COMMD10: variants seen among roughly 807,000 people sequenced by gnomAD.
COMMD10 encodes the protein COMM domain containing 10.
Under a neutral mutation model 28.9 loss-of-function variants are expected in COMMD10, and 33 were observed. The observed-to-expected ratio is 1.14, with a 90% CI of 0.87 to 1.53. COMMD10 has a LOEUF of 1.53. COMMD10 is among the 40% of genes most tolerant of loss of function. The pLI, the probability that COMMD10 is intolerant of heterozygous loss-of-function variation, is 0.00. For missense variants in COMMD10, 310 were observed against 233.4 expected, an observed-to-expected ratio of 1.33 and a Z score of -2.14; for synonymous variants, 110 against 81.7, an observed-to-expected ratio of 1.35 and a Z score of -1.87.
intron 5 of COMMD10, among the ~76,000 whole-genome samples, chr5:116,234,751 T>C (rs1224617652): frequency 6.6e-6 from 1 of 152,208 alleles, no homozygotes; most frequent in Non-Finnish European, 1.5e-5. Context: ...TCCAATTGGA[T>C]AATTTCACTT....
chr5:116,126,112 C>T (rs149471579), intron 4 of COMMD10, among the ~76,000 whole-genome samples: 16,959 of 152,150 alleles, frequency 0.11, 1,368 homozygotes, highest in African/African-American at 0.22. Flanking sequence ...GCAAAAATCA[C>T]AGGCATTCCT....
chr5:116,275,556 A>C (rs910708323), intron 5 of COMMD10, among the ~76,000 whole-genome samples: 1 of 151,738 alleles, frequency 6.6e-6, no homozygotes, highest in South Asian at 2.1e-4. Flanking sequence ...GATTGTACAC[A>C]TTGTCTTCAT....
Position 116,137,642 on chromosome 5 carries a change from G to A in COMMD10, c.510+3464G>A, listed in dbSNP as rs569998646. On this transcript the variant is annotated intron_variant, in intron 5 of 6. Coordinates refer to ENST00000274458, the MANE Select transcript of COMMD10 (RefSeq NM_016144.4). Reference sequence around the variant, plus strand: ...CTTACTGTAATTCACTGAAGAGTACGGTTTATAAGGAGCTCCTTATCTTCT... The same window carrying A: ...CTTACTGTAATTCACTGAAGAGTACAGTTTATAAGGAGCTCCTTATCTTCT... Among the ~76,000 whole-genome samples the A allele has an allele frequency of 6.7e-4, 102 of 151,948 alleles. 1 individual carries two copies. Among genetic ancestry groups the A allele is most frequent in the South Asian group, 4.2e-4 (2 of 4,812 alleles).
At chr5:116,200,779 T>A (rs1216099704) in intron 5 of COMMD10, among the ~76,000 whole-genome samples, 1 of 152,142 alleles carries the variant, frequency 6.6e-6, no homozygotes, top group African/African-American at 2.4e-5. Flanking sequence ...AGATCTCTCT[T>A]CTTGTACTTC....
intron 4 of COMMD10, among the ~76,000 whole-genome samples, chr5:116,122,232 A>G (rs981508750): frequency 6.6e-6 from 1 of 152,222 alleles, no homozygotes; most frequent in Non-Finnish European, 1.5e-5. Context: ...CATTTATTAA[A>G]TAGGGAATCC....
chr5:116,232,428 A>G (rs754156223), intron 5 of COMMD10, among the ~76,000 whole-genome samples: 1 of 152,178 alleles, frequency 6.6e-6, no homozygotes, highest in East Asian at 1.9e-4. Flanking sequence ...GATAAATTCA[A>G]TCCATGGTGT....
At chr5:116,266,342 T>C (rs779385460) in intron 5 of COMMD10, among the ~76,000 whole-genome samples, 4 of 151,866 alleles carry the variant, frequency 2.6e-5, no homozygotes, top group African/African-American at 4.9e-5. Context: ...TAAGCTGTTA[T>C]ATTTTTCTTT....
At chr5:116,260,476 A>G (rs1002595406) in intron 5 of COMMD10, among the ~76,000 whole-genome samples, 2 of 151,884 alleles carry the variant, frequency 1.3e-5, no homozygotes, top group Non-Finnish European at 2.9e-5. Flanking sequence ...TAAAGTAGGC[A>G]TGTTATTTTC....
At chr5:116,107,421 T>C (rs1750877633) in intron 4 of COMMD10, among the ~76,000 whole-genome samples, 1 of 152,232 alleles carries the variant, frequency 6.6e-6, no homozygotes, top group African/African-American at 2.4e-5. Context: ...CTTTATTTCA[T>C]TGAGTTGATC....
At chr5:116,120,116 C>T (rs1183610695) in intron 4 of COMMD10, among the ~76,000 whole-genome samples, 1 of 151,892 alleles carries the variant, frequency 6.6e-6, no homozygotes, top group Admixed American at 6.6e-5. Context: ...TGCCCATCAA[C>T]CAACAAATGA....
In COMMD10 at chr5:116,281,718, ATTGCCTGTATACTCGTT is replaced by A. The variant is rs1676821180; in HGVS notation, c.511-9797_511-9781del. Among the ~76,000 whole-genome samples, 3 of 151,850 alleles carry A rather than the reference ATTGCCTGTATACTCGTT, an allele frequency of 2.0e-5. No individual in the cohort carries two copies. The South Asian group carries it at 6.2e-4, about 31-fold the overall frequency. The stretch of plus-strand genomic sequence containing the variant: ...ATTTAAAAATAAGCCATCCAGTTGT[ATTGCCTGTATACTCGTT>A]TACTGATTTATTTTGATTCATGTAA... On this transcript the variant is annotated intron_variant, in intron 5 of 6. Transcript: ENST00000274458.
intron 5 of COMMD10, among the ~76,000 whole-genome samples, chr5:116,176,042 A>G (rs899382312): frequency 3.0e-5 from 4 of 134,974 alleles, no homozygotes; most frequent in African/African-American, 1.4e-4. Flanking sequence ...TGTATATTTT[A>G]CCACAATTTA....
chr5:116,236,488 G>C (rs1749666494), intron 5 of COMMD10, among the ~76,000 whole-genome samples: 1 of 127,588 alleles, frequency 7.8e-6, no homozygotes, highest in Non-Finnish European at 1.6e-5. Context: ...TGGGTGACAA[G>C]AGCAAGACTC....
chr5:116,241,929 A>G (rs1749826620), intron 5 of COMMD10, among the ~76,000 whole-genome samples: 1 of 152,054 alleles, frequency 6.6e-6, no homozygotes, highest in African/African-American at 2.4e-5. Flanking sequence ...TTTGTCTTTT[A>G]GTTAGCCTGA....
chr5:116,140,436 T>C (rs1349244860), intron 5 of COMMD10, among the ~76,000 whole-genome samples: 1 of 151,790 alleles, frequency 6.6e-6, no homozygotes, highest in African/African-American at 2.4e-5. Context: ...TTCATCTTCT[T>C]TGAATATATA....
intron 5 of COMMD10, among the ~76,000 whole-genome samples, chr5:116,140,713 TA>T (rs764678338): frequency 6.6e-6 from 1 of 151,918 alleles, no homozygotes; most frequent in East Asian, 1.9e-4. Flanking sequence ...TGGCCATTTT[TA>T]TGTCTTCTTT....
At chr5:116,255,529 A>C (rs559915201) in intron 5 of COMMD10, among the ~76,000 whole-genome samples, 32 of 151,432 alleles carry the variant, frequency 2.1e-4, no homozygotes, top group African/African-American at 7.3e-4. Context: ...GCTTGAGCAG[A>C]CTCTATTTTC....
At chr5:116,238,891 T>A (rs770402434) in intron 5 of COMMD10, among the ~76,000 whole-genome samples, 1 of 152,162 alleles carries the variant, frequency 6.6e-6, no homozygotes, top group South Asian at 2.1e-4. Context: ...TTCAGTTGTT[T>A]AGACGAACGA....
At position 116,292,767 on chromosome 5, in the gene COMMD10, A is replaced by G. The variant is rs889030657; in HGVS notation, c.*278A>G. On this transcript the variant is annotated 3_prime_UTR_variant, in exon 7 of 7. Coordinates refer to ENST00000274458, the MANE Select transcript of COMMD10 (RefSeq NM_016144.4). ...TGAATACCATATTGTTTTTACTGTC[A>G]TAGTGTTGCTTTCTTGCCTGTCCTG... 2.5e-6 allele frequency: 1 copy of G among 405,208 alleles called. No homozygotes were observed. Among genetic ancestry groups the G allele is most frequent in the African/African-American group, 2.1e-5 (1 of 48,716 alleles). 25.1% of individuals were successfully genotyped at this position (405,208 alleles called of 1,614,324 possible).
Sources: gnomAD v4.1 joint callset for allele counts (sites outside exome capture counted in the v4.1 genomes callset) on GRCh38, gnomAD v4.1.1 for gene constraint, MANE v1.5 for transcripts, NCBI Gene and HGNC (gene_info 2026-07-23, HGNC 2026-07-21) for gene names.